The following GRM8 variants were observed in gnomAD, a reference collection of about 807,000 sequenced individuals.
GRM8 encodes metabotropic glutamate receptor 8.
In GRM8, 47 loss-of-function variants were observed where a neutral mutation model predicts 87.2. The observed-to-expected ratio is 0.54, with a 90% CI of 0.43 to 0.69. The LOEUF (loss-of-function observed/expected upper bound fraction) is 0.69. GRM8 is among the 30% of genes least tolerant of loss of function. The pLI, the probability that GRM8 is intolerant of heterozygous loss-of-function variation, is 0.00. For missense variants in GRM8, 1,019 were observed against 1,139.2 expected, an observed-to-expected ratio of 0.89 and a Z score of 1.52; for synonymous variants, 396 against 404.5, an observed-to-expected ratio of 0.98 and a Z score of 0.25.
intron 6 of GRM8, among the ~76,000 whole-genome samples, chr7:126,851,835 A>G (rs1351950268): frequency 6.6e-6 from 1 of 152,008 alleles, no homozygotes; most frequent in Non-Finnish European, 1.5e-5. Flanking sequence ...CTTAGCACTT[A>G]CATTACTCTC....
intron 3 of GRM8, among the ~76,000 whole-genome samples, chr7:127,035,854 T>C (rs1390168097): frequency 3.3e-5 from 5 of 152,148 alleles, no homozygotes; most frequent in Non-Finnish European, 7.4e-5. Context: ...TTTCACTCTG[T>C]TCTCCTCTTG....
chr7:127,143,361 A>G (rs181068135), intron 2 of GRM8, among the ~76,000 whole-genome samples: 1 of 152,274 alleles, frequency 6.6e-6, no homozygotes, highest in East Asian at 1.9e-4. Flanking sequence ...TAAACTACAC[A>G]TCTACCTCTG....
chr7:126,555,063 A>G (rs910534170), intron 8 of GRM8, among the ~76,000 whole-genome samples: 34 of 152,210 alleles, frequency 2.2e-4, no homozygotes, highest in Non-Finnish European at 2.8e-4. Flanking sequence ...ATGATGTTAA[A>G]ACTCAAAGAA....
chr7:127,058,388 T>C (rs1820227189), intron 3 of GRM8, among the ~76,000 whole-genome samples: 1 of 152,198 alleles, frequency 6.6e-6, no homozygotes, highest in Non-Finnish European at 1.5e-5. Flanking sequence ...TTGGAGGAAA[T>C]AGTTTTCACG....
At chr7:126,938,119 A>G (rs1487062562) in intron 3 of GRM8, among the ~76,000 whole-genome samples, 3 of 152,216 alleles carry the variant, frequency 2.0e-5, no homozygotes, top group African/African-American at 4.8e-5. Flanking sequence ...CCAATAAAAT[A>G]TGAATTTTAG....
intron 7 of GRM8, among the ~76,000 whole-genome samples, chr7:126,654,029 C>T (rs551303470): frequency 1.3e-5 from 2 of 152,324 alleles, no homozygotes; most frequent in African/African-American, 4.8e-5. Flanking sequence ...AAGACAGTTA[C>T]AGCTTTCCCT....
intron 2 of GRM8, among the ~76,000 whole-genome samples, chr7:127,129,362 A>T (rs1827548713): frequency 6.6e-6 from 1 of 152,186 alleles, no homozygotes. Context: ...ATCAAGGCAA[A>T]AGTACTCAGC....
chr7:127,214,846 T>C lies in GRM8; in HGVS notation c.510+27849A>G, dbSNP rs540484126. On this transcript the variant is annotated intron_variant, in intron 2 of 10. Transcript: ENST00000339582. ...CTTTTTGAGTTGTCAGTTTTGAATATAATTATTTCAAAAATTTCATTTTGT... is the reference window on the plus strand; with the variant it reads ...CTTTTTGAGTTGTCAGTTTTGAATACAATTATTTCAAAAATTTCATTTTGT... Among the ~76,000 whole-genome samples, 50 of 152,356 alleles carry C rather than the reference T, an allele frequency of 3.3e-4. No homozygotes were observed. In the South Asian group the frequency reaches 9.3e-3, roughly 28 times the overall value.
At chr7:127,188,943 G>A (rs1794879550) in intron 2 of GRM8, among the ~76,000 whole-genome samples, 1 of 152,174 alleles carries the variant, frequency 6.6e-6, no homozygotes, top group Non-Finnish European at 1.5e-5. Context: ...AGCCTCCAAA[G>A]CAGTGAAAGG....
chr7:126,905,437 C>A (rs1414749936), intron 3 of GRM8, among the ~76,000 whole-genome samples: 1 of 152,104 alleles, frequency 6.6e-6, no homozygotes. Context: ...AGAGGTTCCC[C>A]CAGTTGCAGT....
At chr7:126,511,136 T>C (rs1811312681) in intron 9 of GRM8, 1 of 152,086 alleles carries the variant, frequency 6.6e-6, no homozygotes, top group African/African-American at 2.4e-5. Context: ...TGTAGGGAGA[T>C]CAGTACTGCC....
chr7:126,525,353 T>A (rs55856840), intron 9 of GRM8, among the ~76,000 whole-genome samples: 4,915 of 152,300 alleles, frequency 0.032, 179 homozygotes, highest in African/African-American at 0.093. Context: ...AATCCTGCCC[T>A]TTCTCTTTCA....
In GRM8 at chr7:126,673,666, C is replaced by T. The variant is rs549576437; in HGVS notation, c.1358-64168G>A. 6.2e-4 allele frequency among the ~76,000 whole-genome samples: 95 copies of T among 152,246 alleles called. 1 individual carries two copies. The highest frequency in any genetic ancestry group is 2.2e-3 in the African/African-American group (92 of 41,532). On this transcript the variant is annotated intron_variant, in intron 7 of 10. Coordinates refer to ENST00000339582, the MANE Select transcript of GRM8 (RefSeq NM_000845.3). ...AAAGCAAGATCATGCTTATCAAATT[C>T]GTCATGGTAGATGCTGAATTTTAAT...
chr7:127,132,174 A>T (rs1827724196), intron 2 of GRM8, among the ~76,000 whole-genome samples: 1 of 152,220 alleles, frequency 6.6e-6, no homozygotes, highest in Non-Finnish European at 1.5e-5. Flanking sequence ...GTTAGAAAAA[A>T]TAAAGTTAAC....
At chr7:126,542,834 A>T (rs1816703500) in intron 8 of GRM8, among the ~76,000 whole-genome samples, 1 of 152,242 alleles carries the variant, frequency 6.6e-6, no homozygotes, top group Non-Finnish European at 1.5e-5. Flanking sequence ...AGAAGCAAGA[A>T]TATGAATTAG....
At chr7:126,686,089 C>T (rs1019907818) in intron 7 of GRM8, among the ~76,000 whole-genome samples, 1 of 151,168 alleles carries the variant, frequency 6.6e-6, no homozygotes, top group East Asian at 2.0e-4. Context: ...AGGGTCTCCT[C>T]TCTGCTGAAA....
intron 3 of GRM8, chr7:127,082,254 T>G (rs1822949679): frequency 6.6e-6 from 1 of 152,134 alleles, no homozygotes; most frequent in African/African-American, 2.4e-5. Flanking sequence ...CTTTAGGGAT[T>G]TTGCCAAAGG....
chr7:126,622,018 T>A (rs1391443824), intron 7 of GRM8, among the ~76,000 whole-genome samples: 1 of 152,206 alleles, frequency 6.6e-6, no homozygotes, highest in Non-Finnish European at 1.5e-5. Context: ...CTCTGTCCAG[T>A]GAATTGCTCT....
intron 3 of GRM8, chr7:127,076,070 G>A (rs1278381502): frequency 4.6e-6 from 2 of 436,024 alleles, no homozygotes; most frequent in South Asian, 1.6e-5. Context: ...AACATTGTAT[G>A]TAAGAAGAAG....
Sources: allele counts gnomAD v4.1 joint callset (sites outside exome capture counted in the v4.1 genomes callset), GRCh38; gene constraint gnomAD v4.1.1; transcripts MANE v1.5; gene names NCBI Gene and HGNC (gene_info 2026-07-23, HGNC 2026-07-21).